The following RGS6 variants were observed in gnomAD, a reference collection of about 807,000 sequenced individuals.
The protein encoded by RGS6 is regulator of G protein signaling 6.
Under a neutral mutation model 78.5 loss-of-function variants are expected in RGS6, and 30 were observed. The ratio of observed to expected loss-of-function variants is 0.38; its 90% confidence interval spans 0.29 to 0.52. The LOEUF (loss-of-function observed/expected upper bound fraction) is 0.52, where lower values mean the gene tolerates loss of function less well. Ranked by LOEUF, RGS6 falls within the 20% of genes least tolerant of loss-of-function variation. The probability of loss-of-function intolerance (pLI) is 0.85; values close to 1 mark genes in which losing one functional copy is unlikely to be tolerated. For synonymous variants in RGS6, 206 were observed against 206.0 expected, an observed-to-expected ratio of 1.00 and a Z score of 0.00; for missense variants, 495 against 609.7, an observed-to-expected ratio of 0.81 and a Z score of 1.98.
chr14:71,956,006 A>G (rs1461351453), intron 1 of RGS6, among the ~76,000 whole-genome samples: 2 of 152,202 alleles, frequency 1.3e-5, no homozygotes, highest in Non-Finnish European at 2.9e-5. Flanking sequence ...TTTTGAAGTG[A>G]GCTCATCAGC....
intron 1 of RGS6, among the ~76,000 whole-genome samples, chr14:71,942,087 A>G (rs1702070634): frequency 6.6e-6 from 1 of 152,236 alleles, no homozygotes; most frequent in Non-Finnish European, 1.5e-5. Flanking sequence ...TAGTCAAGAC[A>G]AAAGAATAAT....
chr14:71,912,981 AC>A, the RGS6 span, among the ~76,000 whole-genome samples: 1 of 151,804 alleles, frequency 6.6e-6, no homozygotes, highest in Non-Finnish European at 1.5e-5. Context: ...GCCCACCACC[AC>A]ACCCGGCTAA....
At chr14:72,360,088 G>A (rs889770292) in intron 3 of RGS6, among the ~76,000 whole-genome samples, 1 of 152,144 alleles carries the variant, frequency 6.6e-6, no homozygotes, top group Admixed American at 6.5e-5. Context: ...AAATGACTCA[G>A]TGGGGGTGGG....
chr14:72,337,627 G>T (rs2076281036), intron 2 of RGS6, among the ~76,000 whole-genome samples: 1 of 152,110 alleles, frequency 6.6e-6, no homozygotes, highest in Non-Finnish European at 1.5e-5. Flanking sequence ...AAATGGGGCT[G>T]GGCCCAGGGG....
intron 1 of RGS6, among the ~76,000 whole-genome samples, chr14:71,942,302 A>T (rs375256140): frequency 7.2e-5 from 11 of 152,148 alleles, no homozygotes; most frequent in African/African-American, 1.9e-4. Flanking sequence ...CTTCACCGTT[A>T]CCTCTCTCAG....
chr14:72,493,934 C>T (rs2096611200), intron 12 of RGS6, among the ~76,000 whole-genome samples: 1 of 152,178 alleles, frequency 6.6e-6, no homozygotes, highest in Non-Finnish European at 1.5e-5. Context: ...GGATGTGCTT[C>T]AACACAATCA....
At chr14:72,267,108 T>G (rs1478643050) in intron 2 of RGS6, among the ~76,000 whole-genome samples, 1 of 152,142 alleles carries the variant, frequency 6.6e-6, no homozygotes, top group African/African-American at 2.4e-5. Context: ...TTCAAATGAT[T>G]TCTGGCTAAT....
At chr14:72,367,792 C>T (rs979259386) in intron 3 of RGS6, among the ~76,000 whole-genome samples, 5 of 152,148 alleles carry the variant, frequency 3.3e-5, no homozygotes, top group African/African-American at 1.2e-4. Flanking sequence ...GCCTATGTGA[C>T]CTGGGTTGGT....
chr14:72,546,910 TCCTC>T (rs1038832253), intron 17 of RGS6, among the ~76,000 whole-genome samples: 8 of 152,150 alleles, frequency 5.3e-5, no homozygotes, highest in Non-Finnish European at 8.8e-5. Flanking sequence ...GACAGTGCCT[TCCTC>T]CCACCCACTC....
intron 2 of RGS6, among the ~76,000 whole-genome samples, chr14:72,176,102 A>G (rs927942430): frequency 6.6e-6 from 1 of 152,198 alleles, no homozygotes; most frequent in African/African-American, 2.4e-5. Flanking sequence ...GGTGGCCCTG[A>G]GTCCCTGTGA....
At chr14:72,595,087 C>T in the RGS6 span, 1 of 152,054 alleles carries the variant, frequency 6.6e-6, no homozygotes, top group African/African-American at 2.4e-5. Flanking sequence ...ACTCTAAGTG[C>T]ATTTTATTTT....
chr14:72,395,614 T>G (rs986847521), intron 3 of RGS6, among the ~76,000 whole-genome samples: 4 of 152,234 alleles, frequency 2.6e-5, no homozygotes, highest in Admixed American at 2.0e-4. Flanking sequence ...ACATGTGCCA[T>G]GTTGGTGTGC....
Position 72,240,910 on chromosome 14 carries a change from T to G in RGS6, c.85-111185T>G, listed in dbSNP as rs371918986. 3.1e-3 allele frequency among the ~76,000 whole-genome samples: 465 copies of G among 152,120 alleles called. 1 individual carries two copies. Among genetic ancestry groups the G allele is most frequent in the African/African-American group, 0.011 (449 of 41,496 alleles). ...GCGGTGGCTCACCCCTGTAATCCCA[T>G]CACTTTGGGAGGCCGAGGCAGGTGG... is the stretch of plus-strand genomic sequence containing the variant. On this transcript the variant is annotated intron_variant, in intron 2 of 17. Coordinates refer to ENST00000553525, the MANE Select transcript of RGS6 (RefSeq NM_001204424.2).
At chr14:71,999,136 T>G (rs1463273047) in intron 2 of RGS6, among the ~76,000 whole-genome samples, 1 of 152,240 alleles carries the variant, frequency 6.6e-6, no homozygotes, top group Non-Finnish European at 1.5e-5. Context: ...CACAGTTTAT[T>G]GACCTCTGAG....
the RGS6 span, among the ~76,000 whole-genome samples, chr14:72,612,785 G>A: frequency 8.0e-4 from 122 of 152,358 alleles, no homozygotes; most frequent in South Asian, 2.9e-3. Flanking sequence ...ATAGGTGAAC[G>A]AAGGGAAGAG....
chr14:72,235,402 A>G (rs2050752669), intron 2 of RGS6, among the ~76,000 whole-genome samples: 1 of 152,256 alleles, frequency 6.6e-6, no homozygotes, highest in South Asian at 2.1e-4. Flanking sequence ...CTGGTGACAC[A>G]CAAGGACCCA....
intron 2 of RGS6, among the ~76,000 whole-genome samples, chr14:72,314,240 G>A (rs1034898409): frequency 2.0e-5 from 3 of 152,160 alleles, no homozygotes; most frequent in Admixed American, 6.5e-5. Context: ...GCAGACCACC[G>A]CCTCAGGGGT....
chr14:72,399,061 A>G (rs982532093), intron 3 of RGS6, among the ~76,000 whole-genome samples: 1 of 151,538 alleles, frequency 6.6e-6, no homozygotes, highest in African/African-American at 2.4e-5. Context: ...GTAGATGTCT[A>G]TTAGGTCCGC....
intron 2 of RGS6, among the ~76,000 whole-genome samples, chr14:72,230,860 G>A (rs577982825): frequency 7.9e-5 from 12 of 152,250 alleles, no homozygotes; most frequent in Admixed American, 3.9e-4. Flanking sequence ...TACTTCCACA[G>A]CAACACCTAA....
Sources: gnomAD v4.1 joint callset for allele counts (sites outside exome capture counted in the v4.1 genomes callset) on GRCh38, gnomAD v4.1.1 for gene constraint, MANE v1.5 for transcripts, NCBI Gene and HGNC (gene_info 2026-07-23, HGNC 2026-07-21) for gene names.